DLG2: variants seen among roughly 807,000 people sequenced by gnomAD.
DLG2 encodes the protein disks large homolog 2.
DLG2 carries 45 observed loss-of-function variants against 132.5 expected under a neutral mutation model. The ratio of observed to expected loss-of-function variants is 0.34; its 90% CI spans 0.27 to 0.44. The LOEUF (loss-of-function observed/expected upper bound fraction) is 0.44, where lower values mean the gene tolerates loss of function less well. DLG2 is among the 20% of genes least tolerant of loss of function. DLG2 has a pLI of 1.00. For missense variants in DLG2, 1,045 were observed against 1,196.9 expected, an observed-to-expected ratio of 0.87 and a Z score of 1.87; for synonymous variants, 424 against 419.6, an observed-to-expected ratio of 1.01 and a Z score of -0.13.
At chr11:83,926,198 T>G (rs2078949448) in intron 15 of DLG2, among the ~76,000 whole-genome samples, 1 of 152,212 alleles carries the variant, frequency 6.6e-6, no homozygotes, top group African/African-American at 2.4e-5. Flanking sequence ...AGCTGAGAAC[T>G]TGGGTATTCC....
intron 2 of DLG2, among the ~76,000 whole-genome samples, chr11:85,612,695 A>T (rs1416471615): frequency 6.6e-6 from 1 of 152,168 alleles, no homozygotes; most frequent in African/African-American, 2.4e-5. Flanking sequence ...TGAAAATCAG[A>T]CCTTATCAGT....
chr11:83,497,997 A>C (rs563399472), intron 21 of DLG2, among the ~76,000 whole-genome samples: 5 of 152,136 alleles, frequency 3.3e-5, no homozygotes, highest in Admixed American at 2.6e-4. Flanking sequence ...TTGAGGAAAA[A>C]GTTATCATCT....
At chr11:85,221,812 C>A (rs1205639560) in intron 4 of DLG2, among the ~76,000 whole-genome samples, 1 of 152,140 alleles carries the variant, frequency 6.6e-6, no homozygotes, top group Non-Finnish European at 1.5e-5. Flanking sequence ...GACTTGAAAG[C>A]CTTTGCTCTG....
At chr11:85,322,907 G>T (rs1048226598) in intron 3 of DLG2, among the ~76,000 whole-genome samples, 2 of 152,142 alleles carry the variant, frequency 1.3e-5, no homozygotes, top group African/African-American at 4.8e-5. Context: ...AAGAGCCTAT[G>T]ATTCCTGTTT....
At chr11:85,528,676 CAG>C (rs1453939915) in intron 3 of DLG2, among the ~76,000 whole-genome samples, 1 of 152,174 alleles carries the variant, frequency 6.6e-6, no homozygotes, top group Non-Finnish European at 1.5e-5. Flanking sequence ...ATCCCCAAAT[CAG>C]AGTAGTTACA....
intron 3 of DLG2, among the ~76,000 whole-genome samples, chr11:85,487,332 A>G (rs2093451367): frequency 6.6e-6 from 1 of 151,850 alleles, no homozygotes; most frequent in African/African-American, 2.4e-5. Context: ...AAATAAATTC[A>G]CAAAATCCCA....
At chr11:84,214,340 C>G (rs2154316117) in intron 8 of DLG2, among the ~76,000 whole-genome samples, 1 of 147,052 alleles carries the variant, frequency 6.8e-6, no homozygotes, top group East Asian at 2.0e-4. Flanking sequence ...TTTATGTGTA[C>G]ATACATATGT....
intron 3 of DLG2, among the ~76,000 whole-genome samples, chr11:85,542,095 C>T (rs2076009283): frequency 6.6e-6 from 1 of 152,066 alleles, no homozygotes; most frequent in African/African-American, 2.4e-5. Flanking sequence ...ATTCGTGTGC[C>T]CACAGAGAAA....
At chr11:83,829,910 C>T (rs763587815) in intron 17 of DLG2, among the ~76,000 whole-genome samples, 16 of 152,176 alleles carry the variant, frequency 1.1e-4, no homozygotes, top group Non-Finnish European at 1.5e-4. Flanking sequence ...CCCCACCATA[C>T]GACAGGCCCC....
intron 8 of DLG2, among the ~76,000 whole-genome samples, chr11:84,190,479 T>A (rs1229366625): frequency 6.6e-6 from 1 of 152,210 alleles, no homozygotes; most frequent in Non-Finnish European, 1.5e-5. Flanking sequence ...GATGATGCCA[T>A]GTGTTGAAAA....
chr11:85,484,135 G>A (rs2093366716), intron 3 of DLG2, among the ~76,000 whole-genome samples: 1 of 151,484 alleles, frequency 6.6e-6, no homozygotes, highest in Non-Finnish European at 1.5e-5. Context: ...ACCGTTAAGA[G>A]GTAAATGGGT....
At chr11:83,763,301 A>AT (rs746132170) in intron 18 of DLG2, among the ~76,000 whole-genome samples, 13 of 152,116 alleles carry the variant, frequency 8.5e-5, no homozygotes, top group East Asian at 7.7e-4. Flanking sequence ...TACTCAATAG[A>AT]TTTTTTTTAA....
chr11:83,690,014 T>C (rs1411244246), intron 18 of DLG2, among the ~76,000 whole-genome samples: 1 of 145,432 alleles, frequency 6.9e-6, no homozygotes, highest in African/African-American at 2.5e-5. Flanking sequence ...TATTATAATA[T>C]TTAATAAATA....
intron 19 of DLG2, among the ~76,000 whole-genome samples, chr11:83,597,989 G>A (rs111229549): frequency 0.012 from 1,875 of 152,266 alleles, 37 homozygotes; most frequent in African/African-American, 0.043. Context: ...CAATTAAGTG[G>A]CTTGTTTAGG....
chr11:85,620,722 G>T (rs1386021317), intron 2 of DLG2, among the ~76,000 whole-genome samples: 2 of 152,216 alleles, frequency 1.3e-5, no homozygotes, highest in East Asian at 3.9e-4. Context: ...TTCTATATAG[G>T]CTGAGAGAGG....
intron 7 of DLG2, among the ~76,000 whole-genome samples, chr11:84,367,109 ACTAT>A (rs1334608621): frequency 2.6e-5 from 4 of 152,142 alleles, no homozygotes; most frequent in Non-Finnish European, 5.9e-5. Flanking sequence ...ATTATAACAA[ACTAT>A]CTCTCAGACC....
intron 6 of DLG2, among the ~76,000 whole-genome samples, chr11:84,645,597 A>G (rs2099673770): frequency 6.6e-6 from 1 of 152,050 alleles, no homozygotes; most frequent in Non-Finnish European, 1.5e-5. Context: ...CCTCCTGAGT[A>G]GCTGGGACTA....
intron 15 of DLG2, among the ~76,000 whole-genome samples, chr11:83,914,021 G>A (rs144696360): frequency 0.011 from 1,623 of 152,280 alleles, 26 homozygotes; most frequent in African/African-American, 0.037. Flanking sequence ...AAAGACTGCA[G>A]AAAAATCATT....
intron 3 of DLG2, among the ~76,000 whole-genome samples, chr11:85,380,290 A>G (rs915940306): frequency 3.9e-5 from 6 of 152,248 alleles, no homozygotes; most frequent in African/African-American, 9.6e-5. Context: ...AAATCTCTGC[A>G]TCGAAATACG....
Sources: gnomAD v4.1 joint callset for allele counts (sites outside exome capture counted in the v4.1 genomes callset) on GRCh38, gnomAD v4.1.1 for gene constraint, MANE v1.5 for transcripts, NCBI Gene and HGNC (gene_info 2026-07-23, HGNC 2026-07-21) for gene names.